Variants in THSD7B observed in about 807,000 individuals in gnomAD.
THSD7B encodes the protein thrombospondin type 1 domain containing 7B.
THSD7B carries 138 observed loss-of-function variants against 213.6 expected under a neutral mutation model. The observed-to-expected ratio is 0.65, with a 90% CI of 0.56 to 0.74. The LOEUF (loss-of-function observed/expected upper bound fraction) is 0.74, where lower values mean the gene tolerates loss of function less well. THSD7B is among the 30% of genes least tolerant of loss of function. The pLI is 0.00. For synonymous variants in THSD7B, 742 were observed against 687.0 expected (o/e 1.08, Z -1.25); for missense variants, 1,931 against 1,991.5 (o/e 0.97, Z 0.58).
In THSD7B at chr2:137,155,140, A is replaced by C. The variant is rs116231847; in HGVS notation, c.1370-5073A>C. Reference sequence around the variant, plus strand: ...CCTTGGCATTTAGAAAGATGCCGCTAGGCAGTGATCCAGATTTGTCTGAGT... The same window carrying C: ...CCTTGGCATTTAGAAAGATGCCGCTCGGCAGTGATCCAGATTTGTCTGAGT... On this transcript the variant is annotated intron_variant, in intron 5 of 27. Transcript: ENST00000409968. Among the ~76,000 whole-genome samples, 335 of 152,358 alleles carry C rather than the reference A, an allele frequency of 2.2e-3. 4 individuals are homozygous for C. The highest frequency in any genetic ancestry group is 7.6e-3 in the African/African-American group (315 of 41,588).
chr2:137,194,233 G>A (rs1680715143), intron 7 of THSD7B, among the ~76,000 whole-genome samples: 1 of 152,166 alleles, frequency 6.6e-6, no homozygotes, highest in Admixed American at 6.5e-5. Flanking sequence ...ACCCTTTGGG[G>A]AATGCAGGAG....
At chr2:136,838,176 G>A (rs7601096) in intron 1 of THSD7B, among the ~76,000 whole-genome samples, 2,989 of 152,150 alleles carry the variant, frequency 0.02, 86 homozygotes, top group African/African-American at 0.068. Flanking sequence ...TTAAATCATC[G>A]ATTAACAAGT....
At chr2:137,490,369 ATAATGT>A (rs1191533480) in intron 15 of THSD7B, among the ~76,000 whole-genome samples, 3 of 152,208 alleles carry the variant, frequency 2.0e-5, no homozygotes, top group Non-Finnish European at 4.4e-5. Flanking sequence ...TCGATTCCTA[ATAATGT>A]TAGAAAGTGA....
chr2:137,324,800 A>G (rs2104884129), intron 12 of THSD7B, among the ~76,000 whole-genome samples: 1 of 152,356 alleles, frequency 6.6e-6, no homozygotes, highest in East Asian at 1.9e-4. Context: ...GATAGGATCA[A>G]GAAGACAAAT....
intron 12 of THSD7B, among the ~76,000 whole-genome samples, chr2:137,284,412 T>C (rs938453293): frequency 1.3e-5 from 2 of 152,190 alleles, no homozygotes; most frequent in African/African-American, 4.8e-5. Context: ...AGTTCTGCTC[T>C]GATCTTAGTT....
intron 12 of THSD7B, among the ~76,000 whole-genome samples, chr2:137,399,968 G>C (rs1238739789): frequency 1.3e-5 from 2 of 151,882 alleles, no homozygotes; most frequent in African/African-American, 4.8e-5. Context: ...CTTTTACTGG[G>C]TCTAATCTAC....
chr2:137,675,221 T>A (rs553804581), intron 27 of THSD7B, among the ~76,000 whole-genome samples: 1 of 152,084 alleles, frequency 6.6e-6, no homozygotes, highest in East Asian at 1.9e-4. Flanking sequence ...AGTTGCCTTT[T>A]GGCACGATGA....
chr2:137,057,146 A>T lies in THSD7B; in HGVS notation c.866A>T (p.His289Leu). ...FKHQSYKAHH[H>L]SKSWAIEIGY... ...CATCAAAGTTACAAAGCACATCATC[A>T]TTCGAAGTCTTGGGCAATAGAGATA... The change falls in exon 3 of 28, where the codon CAT becomes CTT. Residue 289 changes from histidine to leucine, a missense_variant. Physicochemically the swap from His to Leu is moderately conservative, Grantham distance 99. Transcript: ENST00000409968. 6.2e-7 allele frequency: 1 copy of T among 1,613,990 alleles called. No homozygotes were observed. The highest frequency in any genetic ancestry group is 8.5e-7 in the Non-Finnish European group (1 of 1,179,874).
At position 136,855,602 on chromosome 2, in the gene THSD7B, A is replaced by ATTTATTATTTATTTAT. The variant is rs111285205; in HGVS notation, c.-35-26540_-35-26539insTATTATTTATTTATTT. On this transcript the variant is annotated intron_variant, in intron 1 of 27. Coordinates refer to ENST00000409968, the MANE Select transcript of THSD7B (RefSeq NM_001316349.2). The stretch of plus-strand genomic sequence containing the variant: ...CACCGCATCCGGCTATTATTTATTT[A>ATTTATTATTTATTTAT]TTATTTATTTATTTATTTATTTATT... Among the ~76,000 whole-genome samples, 55 of 19,344 alleles carry ATTTATTATTTATTTAT rather than the reference A, an allele frequency of 2.8e-3. 1 individual carries two copies. The highest frequency in any genetic ancestry group is 5.8e-3 in the African/African-American group (54 of 9,274). 12.7% of individuals were successfully genotyped at this position (19,344 alleles called of 152,430 possible).
chr2:137,510,250 G>C (rs1400529488), intron 15 of THSD7B, among the ~76,000 whole-genome samples: 2 of 151,742 alleles, frequency 1.3e-5, no homozygotes, highest in East Asian at 3.9e-4. Context: ...CCCTAGTTAA[G>C]TTTCAGCTAT....
chr2:137,117,308 T>C (rs1688462622), intron 5 of THSD7B, among the ~76,000 whole-genome samples: 1 of 152,196 alleles, frequency 6.6e-6, no homozygotes, highest in Non-Finnish European at 1.5e-5. Context: ...TTGGCCCCCA[T>C]TAAACACAGA....
chr2:137,299,236 C>T (rs1379596562), intron 12 of THSD7B, among the ~76,000 whole-genome samples: 1 of 152,190 alleles, frequency 6.6e-6, no homozygotes, highest in East Asian at 1.9e-4. Flanking sequence ...CCTGTAACCC[C>T]TTTGTTTTGG....
intron 2 of THSD7B, among the ~76,000 whole-genome samples, chr2:137,046,305 G>A (rs1283457510): frequency 1.3e-5 from 2 of 152,188 alleles, no homozygotes; most frequent in East Asian, 1.9e-4. Context: ...AATTGCAAGA[G>A]TGAATGCTTT....
At chr2:137,263,133 G>A (rs547669761) in intron 10 of THSD7B, among the ~76,000 whole-genome samples, 7 of 152,218 alleles carry the variant, frequency 4.6e-5, no homozygotes, top group African/African-American at 1.7e-4. Flanking sequence ...TGTTGCGTCT[G>A]CTACAGGAAG....
chr2:137,262,988 G>A (rs1682487719), intron 10 of THSD7B, among the ~76,000 whole-genome samples: 1 of 152,128 alleles, frequency 6.6e-6, no homozygotes, highest in South Asian at 2.1e-4. Flanking sequence ...CAGACTCAAA[G>A]TGGGTCACTA....
intron 2 of THSD7B, among the ~76,000 whole-genome samples, chr2:136,989,543 G>A (rs748516006): frequency 6.6e-6 from 1 of 152,142 alleles, no homozygotes; most frequent in Non-Finnish European, 1.5e-5. Context: ...CACCATGCTT[G>A]TATAGCCTGC....
chr2:137,564,000 C>A (rs964643775), intron 16 of THSD7B, among the ~76,000 whole-genome samples: 1 of 152,072 alleles, frequency 6.6e-6, no homozygotes, highest in South Asian at 2.1e-4. Flanking sequence ...GAAAGAAGAA[C>A]GATGTCCTTA....
chr2:137,298,891 G>T (rs927660847), intron 12 of THSD7B, among the ~76,000 whole-genome samples: 3 of 152,200 alleles, frequency 2.0e-5, no homozygotes, highest in Admixed American at 6.5e-5. Context: ...GAGAACCTCT[G>T]CTAGAGCAGT....
intron 3 of THSD7B, among the ~76,000 whole-genome samples, chr2:137,079,363 C>T (rs1267658074): frequency 6.6e-6 from 1 of 151,492 alleles, no homozygotes; most frequent in Non-Finnish European, 1.5e-5. Flanking sequence ...TCTATTTTTC[C>T]AGCATCTTCT....
Sources: gnomAD v4.1 joint callset for allele counts (sites outside exome capture counted in the v4.1 genomes callset) on GRCh38, gnomAD v4.1.1 for gene constraint, MANE v1.5 for transcripts, NCBI Gene and HGNC (gene_info 2026-07-23, HGNC 2026-07-21) for gene names.